RAD51B: variants seen among roughly 807,000 people sequenced by gnomAD.
RAD51B encodes the protein DNA repair protein RAD51 homolog 2.
Under a neutral mutation model 42.2 loss-of-function variants are expected in RAD51B, and 38 were observed. The ratio of observed to expected loss-of-function variants is 0.90; its 90% CI spans 0.70 to 1.18. The LOEUF (loss-of-function observed/expected upper bound fraction) is 1.18, where lower values mean the gene tolerates loss of function less well. RAD51B is among the 50% of genes most tolerant of loss of function. The pLI, the probability that RAD51B is intolerant of heterozygous loss-of-function variation, is 0.00. For missense variants in RAD51B, 373 were observed against 400.7 expected (o/e 0.93, Z 0.59); for synonymous variants, 154 against 145.2 (o/e 1.06, Z -0.43).
intron 7 of RAD51B, among the ~76,000 whole-genome samples, chr14:68,277,592 A>G (rs2139610725): frequency 6.6e-6 from 1 of 152,312 alleles, no homozygotes; most frequent in South Asian, 2.1e-4. Flanking sequence ...AGATGTTCAG[A>G]TGAAATTTTA....
intron 7 of RAD51B, among the ~76,000 whole-genome samples, chr14:68,208,933 G>GA (rs1244033191): frequency 6.6e-6 from 1 of 152,236 alleles, no homozygotes; most frequent in Non-Finnish European, 1.5e-5. Flanking sequence ...TGGGCAATCT[G>GA]AAAGTGAAAT....
intron 7 of RAD51B, among the ~76,000 whole-genome samples, chr14:67,976,127 T>G (rs2074988826): frequency 6.6e-6 from 1 of 151,940 alleles, no homozygotes; most frequent in African/African-American, 2.4e-5. Flanking sequence ...TGTTGTTGTT[T>G]GTGTTTTGAG....
chr14:68,468,316 T>C, intron 10 of RAD51B, 66 bp downstream of exon 10: 1 of 1,467,032 alleles, frequency 6.8e-7, no homozygotes, highest in Non-Finnish European at 9.6e-7. Flanking sequence ...CTAGTGGTAA[T>C]TAGTGCTATG....
intron 7 of RAD51B, among the ~76,000 whole-genome samples, chr14:68,224,294 G>C (rs1303098499): frequency 6.6e-6 from 1 of 152,110 alleles, no homozygotes; most frequent in Non-Finnish European, 1.5e-5. Flanking sequence ...AACCACTTTG[G>C]AAAAATTATT....
chr14:68,655,511 A>T (rs1263187443), intron 11 of RAD51B, among the ~76,000 whole-genome samples: 4 of 152,106 alleles, frequency 2.6e-5, no homozygotes, highest in African/African-American at 9.7e-5. Context: ...ATGAATTGCA[A>T]ACCTGCTCAG....
At chr14:68,314,441 G>A (rs2082018422) in intron 8 of RAD51B, among the ~76,000 whole-genome samples, 1 of 152,154 alleles carries the variant, frequency 6.6e-6, no homozygotes, top group South Asian at 2.1e-4. Context: ...TCTTTGAAAG[G>A]CAGACTTAAA....
At chr14:67,884,822 A>G (rs1700114725) in intron 5 of RAD51B, among the ~76,000 whole-genome samples, 1 of 152,136 alleles carries the variant, frequency 6.6e-6, no homozygotes, top group Non-Finnish European at 1.5e-5. Flanking sequence ...ACACTTAAAA[A>G]CAGTTGTTGA....
At chr14:67,836,303 C>G (rs1426717383) in intron 4 of RAD51B, among the ~76,000 whole-genome samples, 2 of 152,124 alleles carry the variant, frequency 1.3e-5, no homozygotes, top group Non-Finnish European at 2.9e-5. Context: ...CCACAGGCTT[C>G]TTGAGTCTTA....
chr14:68,317,901 A>G (rs141369521), intron 8 of RAD51B, among the ~76,000 whole-genome samples: 3 of 152,376 alleles, frequency 2.0e-5, no homozygotes, highest in East Asian at 1.9e-4. Flanking sequence ...ATTGATACAT[A>G]TATCACATAG....
At chr14:68,517,089 AAGTGACT>A (rs1420226256) in intron 10 of RAD51B, among the ~76,000 whole-genome samples, 1 of 152,194 alleles carries the variant, frequency 6.6e-6, no homozygotes, top group Non-Finnish European at 1.5e-5. Flanking sequence ...TGTTCCATGA[AAGTGACT>A]AGTGCAGATC....
intron 7 of RAD51B, among the ~76,000 whole-genome samples, chr14:68,290,730 ACT>A (rs1318913243): frequency 1.3e-5 from 2 of 151,996 alleles, no homozygotes; most frequent in African/African-American, 2.4e-5. Flanking sequence ...TGGAAATAAA[ACT>A]CTGACTTTTA....
chr14:68,505,359 T>C (rs188857197), intron 10 of RAD51B, among the ~76,000 whole-genome samples: 1 of 152,316 alleles, frequency 6.6e-6, no homozygotes, highest in Non-Finnish European at 1.5e-5. Flanking sequence ...AAGCAATGGC[T>C]GCAGACAAAG....
chr14:67,931,001 A>G (rs1254563643), intron 7 of RAD51B, among the ~76,000 whole-genome samples: 1 of 151,618 alleles, frequency 6.6e-6, no homozygotes, highest in Admixed American at 6.6e-5. Context: ...GCTCACTGCA[A>G]GCTCCGCCGC....
At chr14:68,511,752 T>C (rs1436786502) in intron 10 of RAD51B, among the ~76,000 whole-genome samples, 1 of 152,182 alleles carries the variant, frequency 6.6e-6, no homozygotes, top group Non-Finnish European at 1.5e-5. Context: ...GCTTTCATTT[T>C]ACAGATAGGG....
rs2076367098 is a variant in RAD51B at position 68,050,034 on chromosome 14, T to G, written c.756+162830T>G. ...AGAAAATCCTTACTTTACAATTTAT[T>G]TAAATCTTTCTAATCTTAAGTTCTA... On this transcript the variant is annotated intron_variant, in intron 7 of 10. Coordinates refer to ENST00000471583, the MANE Select transcript of RAD51B (RefSeq NM_133510.4). Among the ~76,000 whole-genome samples the G allele has an allele frequency of 1.3e-5, 2 of 152,216 alleles. 1 individual carries two copies. Among genetic ancestry groups the G allele is most frequent in the East Asian group, 3.8e-4 (2 of 5,200 alleles).
intron 7 of RAD51B, among the ~76,000 whole-genome samples, chr14:67,983,942 T>C (rs747461865): frequency 1.3e-5 from 2 of 151,880 alleles, no homozygotes; most frequent in Non-Finnish European, 2.9e-5. Flanking sequence ...TTTTTTTTCT[T>C]TCTTTCTTTT....
intron 7 of RAD51B, among the ~76,000 whole-genome samples, chr14:68,134,399 G>T (rs1174875272): frequency 3.3e-5 from 5 of 152,226 alleles, no homozygotes; most frequent in East Asian, 1.9e-4. Context: ...GAATAAAGCT[G>T]CTCTGAACCT....
chr14:68,269,935 G>C (rs1324374694), intron 7 of RAD51B, among the ~76,000 whole-genome samples: 1 of 152,192 alleles, frequency 6.6e-6, no homozygotes, highest in East Asian at 1.9e-4. Context: ...TGACTCACTT[G>C]ATCTGAAGCT....
intron 8 of RAD51B, among the ~76,000 whole-genome samples, chr14:68,392,280 A>G (rs2083778924): frequency 1.3e-5 from 2 of 152,224 alleles, no homozygotes; most frequent in Admixed American, 1.3e-4. Flanking sequence ...GAAAAACCCA[A>G]GCAAACCCTG....
Sources: allele counts gnomAD v4.1 joint callset (sites outside exome capture counted in the v4.1 genomes callset), GRCh38; gene constraint gnomAD v4.1.1; transcripts MANE v1.5; gene names NCBI Gene and HGNC (gene_info 2026-07-23, HGNC 2026-07-21).